The following PLCD4 variants were observed in gnomAD, a reference collection of about 807,000 sequenced individuals.
PLCD4 encodes the protein phospholipase C delta 4.
A neutral mutation model predicts 90.2 loss-of-function variants in PLCD4; 63 were observed. The ratio of observed to expected loss-of-function variants is 0.70; its 90% CI spans 0.57 to 0.86. The LOEUF (loss-of-function observed/expected upper bound fraction) is 0.86. Among genes scored for constraint, PLCD4 ranks in the 40% least tolerant of loss-of-function variants. The probability of loss-of-function intolerance (pLI) is 0.00; values close to 1 mark genes in which losing one functional copy is unlikely to be tolerated. For synonymous variants in PLCD4, 294 were observed against 356.5 expected, an observed-to-expected ratio of 0.82 and a Z score of 1.97; for missense variants, 830 against 956.3, an observed-to-expected ratio of 0.87 and a Z score of 1.74.
Position 218,621,497 on chromosome 2 carries a change from A to G in PLCD4, c.438A>G (p.Gly146=). 1 of 1,614,010 alleles carries G rather than the reference A, an allele frequency of 6.2e-7. No individual in the cohort carries two copies. The highest frequency in any genetic ancestry group is 2.2e-5 in the East Asian group (1 of 44,890). The change falls in exon 5 of 16, where the codon GGA becomes GGG. Residue 146 remains glycine, a synonymous_variant. Transcript: ENST00000450993. ...DQWLSDWFQR[G]DKNQDGKMSF... ...GGCTGAGCGATTGGTTTCAACGTGG[A>G]GACAAAAATCAGGATGGTAAGATGA... is the stretch of plus-strand genomic sequence containing the variant.
At chr2:218,609,169 C>T (rs1695223370) in intron 1 of PLCD4, 1 of 151,258 alleles carries the variant, frequency 6.6e-6, no homozygotes, top group Non-Finnish European at 1.5e-5. Flanking sequence ...AACCTTCAAG[C>T]TCCAACATTC....
intron 4 of PLCD4, among the ~76,000 whole-genome samples, chr2:218,619,941 G>A (rs1244036971): frequency 3.3e-5 from 5 of 152,068 alleles, no homozygotes; most frequent in South Asian, 2.1e-4. Flanking sequence ...GCAGTGGCAC[G>A]ATCTTGGCTC....
At chr2:218,633,784 G>A (rs771911013) in intron 11 of PLCD4, 23 bp downstream of exon 11, 1 of 1,612,740 alleles carries the variant, frequency 6.2e-7, no homozygotes, top group African/African-American at 1.3e-5. Context: ...ATGGAGGGAT[G>A]GGGAGGGAAG....
chr2:218,636,472 T>A lies in PLCD4; in HGVS notation c.2184T>A (p.Gly728=). ...ATGCTGTCCTCCTGCCCCTTCCAGG[T>A]TACCGCCACATTCACCTGCTGTCCA... ...YTLPWTCMQQ[G]YRHIHLLSKD... The change falls in exon 16 of 16, where the codon GGT becomes GGA. Residue 728 remains glycine, a splice_region_variant and synonymous_variant. Coordinates refer to ENST00000450993, the MANE Select transcript of PLCD4 (RefSeq NM_032726.4). 6.2e-7 allele frequency: 1 copy of A among 1,614,014 alleles called. No individual in the cohort carries two copies. The highest frequency in any genetic ancestry group is 8.5e-7 in the Non-Finnish European group (1 of 1,179,894).
intron 10 of PLCD4, 72 bp from the exon 11 acceptor site, chr2:218,633,529 AGGTT>A (rs549283765): frequency 6.6e-7 from 1 of 1,513,128 alleles, no homozygotes; most frequent in Non-Finnish European, 9.2e-7. Flanking sequence ...GCAGAGGTTT[AGGTT>A]GGATGGCCAT....
chr2:218,613,359 C>T (rs1431419330), intron 1 of PLCD4, among the ~76,000 whole-genome samples: 2 of 146,076 alleles, frequency 1.4e-5, no homozygotes, highest in African/African-American at 5.1e-5. Flanking sequence ...CCATTGCACT[C>T]CAGCCTGGGT....
intron 1 of PLCD4, among the ~76,000 whole-genome samples, chr2:218,611,878 C>T (rs1314276416): frequency 6.6e-6 from 1 of 152,128 alleles, no homozygotes; most frequent in African/African-American, 2.4e-5. Flanking sequence ...GGATTACAGG[C>T]GTGAGCCACC....
At chr2:218,622,991 A>G (rs1695953109) in intron 6 of PLCD4, 113 bp downstream of exon 6, 5 of 886,666 alleles carry the variant, frequency 5.6e-6, no homozygotes, top group East Asian at 2.4e-5. Flanking sequence ...GTCTATCCCT[A>G]TCCTGACCCC....
At position 218,616,927 on chromosome 2, in the gene PLCD4, TAGAGAGAGAG is replaced by T. The variant is rs71266346; in HGVS notation, c.181+915_181+924del. Reference sequence around the variant, plus strand: ...ATATATATATATATATATATATATATAGAGAGAGAGAGAGAGAGAGAGAGAGAGAGAGAGA... The same window carrying T: ...ATATATATATATATATATATATATATAGAGAGAGAGAGAGAGAGAGAGAGA... On this transcript the variant is annotated intron_variant, in intron 3 of 15. Coordinates refer to ENST00000450993, the MANE Select transcript of PLCD4 (RefSeq NM_032726.4). 5.0e-3 allele frequency among the ~76,000 whole-genome samples: 69 copies of T among 13,706 alleles called. 1 individual carries two copies. The highest frequency in any genetic ancestry group is 0.013 in the African/African-American group (46 of 3,432). The allele number at this position is 13,706 out of a possible 152,430, so 9.0% of individuals were successfully genotyped here. A position where few individuals can be genotyped will look rare whatever the true frequency, so the allele number is the denominator to read the frequency against.
intron 5 of PLCD4, 35 bp from the exon 6 acceptor site, chr2:218,622,612 A>C (rs753713394): frequency 6.8e-7 from 1 of 1,462,978 alleles, no homozygotes; most frequent in Non-Finnish European, 9.2e-7. Context: ...TCCCATTAAA[A>C]GTTTCATTCA....
intron 6 of PLCD4, among the ~76,000 whole-genome samples, chr2:218,624,583 G>A (rs761017075): frequency 6.6e-6 from 1 of 152,020 alleles, no homozygotes; most frequent in Non-Finnish European, 1.5e-5. Flanking sequence ...GCCAGGCATG[G>A]TGGTGCACGC....
chr2:218,625,446 C>T (rs1696075621), intron 6 of PLCD4, among the ~76,000 whole-genome samples: 1 of 152,196 alleles, frequency 6.6e-6, no homozygotes, highest in South Asian at 2.1e-4. Context: ...TATCTGGCTA[C>T]AGAGAGTAGT....
At chr2:218,627,939 G>A in intron 6 of PLCD4, 90 bp from the exon 7 acceptor site, 1 of 1,234,574 alleles carries the variant, frequency 8.1e-7, no homozygotes, top group Non-Finnish European at 1.1e-6. Flanking sequence ...GCAGGGCTCT[G>A]GATGGAGTGG....
chr2:218,616,934 A>ATATATATG (rs1199144362), intron 3 of PLCD4, among the ~76,000 whole-genome samples: 2 of 17,442 alleles, frequency 1.1e-4, no homozygotes, highest in Non-Finnish European at 2.1e-4. Context: ...ATATAGAGAG[A>ATATATATG]GAGAGAGAGA....
At chr2:218,631,141 C>A (rs566813088) in intron 9 of PLCD4, among the ~76,000 whole-genome samples, 64 of 152,248 alleles carry the variant, frequency 4.2e-4, no homozygotes, top group Admixed American at 2.4e-3. Flanking sequence ...CCCAACCTCT[C>A]CCATAACAAG....
In PLCD4 at chr2:218,622,817, G is replaced by A. The variant is rs375537554; in HGVS notation, c.711G>A (p.Glu237=). The change falls in exon 6 of 16, where the codon GAG becomes GAA. Residue 237 remains glutamate, a synonymous_variant. Transcript: ENST00000450993. ...ATTTCCTCCAAGAGGAGCAGAAGGA[G>A]AGAGACTGCACCTCTGAGCTTGCTC... is the stretch of plus-strand genomic sequence containing the variant. ...FLDFLQEEQK[E]RDCTSELALE... The A allele has an allele frequency of 3.7e-6, 6 of 1,613,922 alleles. No homozygotes were observed. The African/African-American group carries it at 8.0e-5, about 22-fold the overall frequency.
chr2:218,616,919 TATATATATAG>T (rs1207645423), intron 3 of PLCD4, among the ~76,000 whole-genome samples: 12 of 25,154 alleles, frequency 4.8e-4, no homozygotes, highest in African/African-American at 1.6e-3. Context: ...TATATATATA[TATATATATAG>T]AGAGAGAGAG....
chr2:218,632,154 C>A lies in PLCD4; in HGVS notation c.1291C>A (p.Leu431Met), dbSNP rs369205250. ...PSPEELRRKI[L>M]VKGKKLTLEE... Reference sequence around the variant, plus strand: ...CCCCTAGGAGCTTCGGAGGAAGATCCTGGTGAAGGGGAAGAAGTTAACACT... The same window carrying A: ...CCCCTAGGAGCTTCGGAGGAAGATCATGGTGAAGGGGAAGAAGTTAACACT... Residue 431 changes from leucine (L) to methionine (M), a missense_variant, in exon 10 of 16, where the codon CTG becomes ATG. Physicochemically the swap from Leu to Met is conservative, Grantham distance 15. Coordinates refer to ENST00000450993, the MANE Select transcript of PLCD4 (RefSeq NM_032726.4). The A allele has an allele frequency of 9.3e-6, 15 of 1,608,532 alleles. No homozygotes were observed. The African/African-American group carries it at 2.0e-4, about 22-fold the overall frequency.
chr2:218,634,533 G>A lies in PLCD4; in HGVS notation c.1799G>A (p.Gly600Asp), dbSNP rs1162346330. 6.2e-7 allele frequency: 1 copy of A among 1,613,946 alleles called. No individual in the cohort carries two copies. Among genetic ancestry groups the A allele is most frequent in the Non-Finnish European group, 8.5e-7 (1 of 1,179,920 alleles). The change falls in exon 13 of 16, where the codon GGC becomes GAC. Residue 600 changes from glycine (G) to aspartate (D), a missense_variant. By Grantham distance (94) the Gly-to-Asp change is moderately conservative. Transcript: ENST00000450993. This position sits in a 1 kb window ranked among gnomAD's most constrained non-coding sequence, Gnocchi z 4.0. Reference protein sequence around the residue: ...DGHFRQNGGCGYVLKPDFLRD... With the variant: ...DGHFRQNGGCDYVLKPDFLRD... ...CATTTCCGCCAGAATGGCGGCTGTG[G>A]CTATGTGCTGAAGCCAGACTTCCTG...
Sources: gnomAD v4.1 joint callset for allele counts (sites outside exome capture counted in the v4.1 genomes callset) on GRCh38, gnomAD v4.1.1 for gene constraint, Gnocchi (gnomAD v3.1) non-coding constraint, MANE v1.5 for transcripts, NCBI Gene and HGNC (gene_info 2026-07-23, HGNC 2026-07-21) for gene names.